Variants in CEP41 observed in about 807,000 individuals in gnomAD.
CEP41 encodes the protein centrosomal protein 41, also known as centrosomal protein of 41 kDa.
A neutral mutation model predicts 44.3 loss-of-function variants in CEP41; 32 were observed. The ratio of observed to expected loss-of-function variants is 0.72; its 90% CI spans 0.54 to 0.97. The LOEUF (loss-of-function observed/expected upper bound fraction) is 0.97. CEP41 is among the 50% of genes least tolerant of loss of function. CEP41 has a pLI of 0.00. For missense variants in CEP41, 432 were observed against 455.2 expected (o/e 0.95, Z 0.46); for synonymous variants, 151 against 168.5 (o/e 0.90, Z 0.80).
intron 1 of CEP41, among the ~76,000 whole-genome samples, chr7:130,432,758 T>TA (rs1393797329): frequency 1.7e-4 from 26 of 150,456 alleles, no homozygotes; most frequent in Admixed American, 7.3e-4. Context: ...ACACTCTCAC[T>TA]AAAAAAAAAC....
chr7:130,422,515 T>C (rs1237506736), intron 2 of CEP41, among the ~76,000 whole-genome samples: 4 of 152,220 alleles, frequency 2.6e-5, no homozygotes, highest in Non-Finnish European at 5.9e-5. Context: ...TGCAGGGATC[T>C]GTACCCTGGC....
rs543215497 is a variant in CEP41, at chr7:130,393,984, G to A, written c.*4907C>T. On this transcript the variant is annotated 3_prime_UTR_variant, in exon 11 of 11. Transcript: ENST00000223208. Reference sequence around the variant, plus strand: ...ACAGGCGGTGGAAATGTGGAAATACGCATTCCCCAGAGCAGATGTTTCAGT... The same window carrying A: ...ACAGGCGGTGGAAATGTGGAAATACACATTCCCCAGAGCAGATGTTTCAGT... 1.5e-5 allele frequency: 7 copies of A among 454,080 alleles called. No individual in the cohort carries two copies. Among genetic ancestry groups the A allele is most frequent in the Admixed American group, 4.7e-5 (2 of 42,570 alleles). The allele number at this position is 454,080 out of a possible 1,614,324, so 28.1% of individuals were successfully genotyped here. A position where few individuals can be genotyped will look rare whatever the true frequency, so the allele number is the denominator to read the frequency against.
chr7:130,436,540 C>T (rs1584910383), intron 1 of CEP41, among the ~76,000 whole-genome samples: 1 of 151,604 alleles, frequency 6.6e-6, no homozygotes, highest in African/African-American at 2.4e-5. Context: ...ACTATACATA[C>T]ATTGTGCAAA....
chr7:130,417,751 G>A (rs1451652851), intron 2 of CEP41, among the ~76,000 whole-genome samples: 3 of 152,184 alleles, frequency 2.0e-5, no homozygotes, highest in South Asian at 2.1e-4. Flanking sequence ...TCAATTCAAC[G>A]CAGGAAGCTC....
intron 8 of CEP41, 183 bp from the exon 9 acceptor site, chr7:130,401,004 G>A: frequency 1.7e-6 from 1 of 602,620 alleles, no homozygotes; most frequent in East Asian, 2.9e-5. Flanking sequence ...CACACAAGCT[G>A]GTATTCGTTT....
At chr7:130,426,702 C>T (rs1554423624) in intron 2 of CEP41, 2 of 454,504 alleles carry the variant, frequency 4.4e-6, no homozygotes, top group Non-Finnish European at 8.8e-6. Context: ...GATGAAAGAG[C>T]TGAGGGTTTT....
chr7:130,416,870 GAAC>G (rs782640774), intron 3 of CEP41, 46 bp downstream of exon 3: 5 of 1,382,924 alleles, frequency 3.6e-6, no homozygotes, highest in Non-Finnish European at 5.2e-6. Context: ...CCAATTTATA[GAAC>G]AACTATAGAC....
At chr7:130,432,460 T>C (rs782318903) in intron 1 of CEP41, among the ~76,000 whole-genome samples, 2 of 151,936 alleles carry the variant, frequency 1.3e-5, no homozygotes, top group Non-Finnish European at 2.9e-5. Flanking sequence ...TTGTCTAAAA[T>C]GGAACTATCG....
chr7:130,428,031 G>A lies in CEP41; in HGVS notation c.34-13C>T. 2 of 1,550,920 alleles carry A rather than the reference G, an allele frequency of 1.3e-6. No homozygotes were observed. Among genetic ancestry groups the A allele is most frequent in the Non-Finnish European group, 1.8e-6 (2 of 1,122,836 alleles). The stretch of plus-strand genomic sequence containing the variant: ...TTTTCATCAGATACTAAAAAATAAG[G>A]AAATTCACAATTAATTGGGTTAATG... On this transcript the variant is annotated splice_polypyrimidine_tract_variant and intron_variant, in intron 1 of 10. Coordinates refer to ENST00000223208, the MANE Select transcript of CEP41 (RefSeq NM_018718.3).
chr7:130,440,182 G>C (rs1256800181), intron 1 of CEP41, among the ~76,000 whole-genome samples: 2 of 151,956 alleles, frequency 1.3e-5, no homozygotes, highest in African/African-American at 4.8e-5. Flanking sequence ...CACCACGCCC[G>C]GCTAATTTTT....
intron 9 of CEP41, 182 bp from the exon 10 acceptor site, chr7:130,400,436 A>C: frequency 1.5e-6 from 1 of 658,622 alleles, no homozygotes; most frequent in Non-Finnish European, 2.7e-6. Context: ...CTGTTGTTAC[A>C]TGGGATTCTG....
At chr7:130,440,296 G>A (rs542890305) in intron 1 of CEP41, among the ~76,000 whole-genome samples, 15 of 152,336 alleles carry the variant, frequency 9.8e-5, no homozygotes, top group Admixed American at 2.0e-4. Context: ...TGGGATTACA[G>A]GCTGAGCCAC....
At chr7:130,441,228 C>CT (rs150938510), upstream of CEP41, 27,243 of 593,352 alleles carry the variant, frequency 0.046, 1,549 homozygotes, top group African/African-American at 0.21. Flanking sequence ...GGCTCGCCGG[C>CT]TCCAGCCTTA....
chr7:130,429,804 A>C (rs1179529960), intron 1 of CEP41, among the ~76,000 whole-genome samples: 6 of 152,112 alleles, frequency 3.9e-5, no homozygotes, highest in African/African-American at 1.2e-4. Flanking sequence ...CATTGTTTAA[A>C]CCTCAATCTT....
chr7:130,399,663 C>T (rs1380634400), intron 10 of CEP41: 1 of 251,654 alleles, frequency 4.0e-6, no homozygotes, highest in Admixed American at 5.0e-5. Flanking sequence ...ACTTAAAATA[C>T]AAAAAAATTA....
At chr7:130,427,919 ATTTT>A (rs782185526) in intron 2 of CEP41, 32 bp downstream of exon 2, 6 of 1,417,282 alleles carry the variant, frequency 4.2e-6, no homozygotes, top group Non-Finnish European at 6.0e-6. Flanking sequence ...TAGCTATTAG[ATTTT>A]TTTTAATTCT....
At chr7:130,428,934 T>C (rs1159198319) in intron 1 of CEP41, among the ~76,000 whole-genome samples, 1 of 151,782 alleles carries the variant, frequency 6.6e-6, no homozygotes, top group Non-Finnish European at 1.5e-5. Flanking sequence ...AATAAATAAA[T>C]AAATAAATAA....
intron 1 of CEP41, among the ~76,000 whole-genome samples, chr7:130,435,773 A>C (rs1797942890): frequency 2.0e-5 from 3 of 152,210 alleles, no homozygotes; most frequent in African/African-American, 7.2e-5. Flanking sequence ...ACATCCACAC[A>C]AAGAGTTATA....
intron 2 of CEP41, chr7:130,420,761 G>C: frequency 2.2e-6 from 1 of 459,306 alleles, no homozygotes; most frequent in East Asian, 1.5e-4. Context: ...AACAGAGCGA[G>C]ACTTCATCTC....
Sources: gnomAD v4.1 joint callset for allele counts (sites outside exome capture counted in the v4.1 genomes callset) on GRCh38, gnomAD v4.1.1 for gene constraint, MANE v1.5 for transcripts, NCBI Gene and HGNC (gene_info 2026-07-23, HGNC 2026-07-21) for gene names.